Variants in KANK2 observed in about 807,000 individuals in gnomAD.
KANK2 encodes KN motif and ankyrin repeat domain-containing protein 2.
In KANK2, 41 loss-of-function variants were observed where a neutral mutation model predicts 74.6. That is an observed-to-expected ratio of 0.55 (90% CI 0.43 to 0.71). The LOEUF (loss-of-function observed/expected upper bound fraction) is 0.71. Among genes scored for constraint, KANK2 ranks in the 30% least tolerant of loss-of-function variants. The pLI, the probability that KANK2 is intolerant of heterozygous loss-of-function variation, is 0.00. For synonymous variants in KANK2, 537 were observed against 519.0 expected (o/e 1.03, Z -0.47); for missense variants, 1,148 against 1,196.4 (o/e 0.96, Z 0.60).
chr19:11,188,850 G>C (rs1329898349), intron 4 of KANK2, among the ~76,000 whole-genome samples: 2 of 151,880 alleles, frequency 1.3e-5, no homozygotes, highest in Non-Finnish European at 1.5e-5. Flanking sequence ...TGGGTGTGGT[G>C]GTGGGTGCCT....
chr19:11,168,249 C>T (rs1005615710), intron 12 of KANK2, among the ~76,000 whole-genome samples: 4 of 152,008 alleles, frequency 2.6e-5, no homozygotes, highest in Non-Finnish European at 4.4e-5. Context: ...AATCATCCGC[C>T]CACCTTGGCC....
At position 11,174,685 on chromosome 19, in the gene KANK2, G is replaced by C. The variant is rs767621842; in HGVS notation, c.1856C>G (p.Ala619Gly). The change falls in exon 9 of 13, where the codon GCC becomes GGC. Residue 619 changes from alanine (A) to glycine (G), a missense_variant. Transcript: ENST00000586659. ...CCACTCCTGCAGCACTGTGGTGTAG[G>C]CCACTTTCTGCATGCGAGTCAGGTG... ...NALTERELKV[A>G]YTTVLQEWLR... is the part of the protein sequence containing the mutation. 6.3e-7 allele frequency: 1 copy of C among 1,599,218 alleles called. No homozygotes were observed. The highest frequency in any genetic ancestry group is 1.3e-5 in the African/African-American group (1 of 74,588).
Position 11,176,747 on chromosome 19 carries a change from C to T in KANK2, c.1591G>A (p.Ala531Thr). 6.2e-7 allele frequency: 1 copy of T among 1,607,022 alleles called. No homozygotes were observed. ...ISDNDSTENE[A>T]PEPRERVPSV... ...GGAACCCTCTCCCTCGGCTCTGGGGCCTCGTTCTCTGTGCTGTCGTTGTCT... is the reference window on the plus strand; with the variant it reads ...GGAACCCTCTCCCTCGGCTCTGGGGTCTCGTTCTCTGTGCTGTCGTTGTCT... The change falls in exon 7 of 13, where the codon GCC becomes ACC. Residue 531 changes from alanine to threonine, a missense_variant. By Grantham distance (58) the Ala-to-Thr change is moderately conservative. Coordinates refer to ENST00000586659, the MANE Select transcript of KANK2 (RefSeq NM_001136191.3).
chr19:11,178,286 T>G, intron 6 of KANK2, 59 bp downstream of exon 6: 6 of 1,120,888 alleles, frequency 5.4e-6, no homozygotes, highest in Non-Finnish European at 6.7e-6. Context: ...CTCTCGTGCG[T>G]GGATGAATGG....
intron 6 of KANK2, among the ~76,000 whole-genome samples, 180 bp from the exon 7 acceptor site, chr19:11,176,997 G>C (rs948245208): frequency 4.6e-5 from 7 of 151,774 alleles, no homozygotes; most frequent in African/African-American, 1.7e-4. Context: ...CACAGTAAGC[G>C]CTCAATAAAC....
At chr19:11,190,919 C>G (rs1214124941) in intron 4 of KANK2, among the ~76,000 whole-genome samples, 1 of 146,342 alleles carries the variant, frequency 6.8e-6, no homozygotes, top group East Asian at 2.1e-4. Context: ...TTAGTAGAGA[C>G]AGGGTTTCAC....
intron 4 of KANK2, among the ~76,000 whole-genome samples, chr19:11,186,758 G>A (rs11880312): frequency 0.045 from 6,792 of 152,218 alleles, 497 homozygotes; most frequent in African/African-American, 0.15. Flanking sequence ...GAGGATATGA[G>A]AAAATGGACA....
In KANK2 at chr19:11,178,461, C is replaced by G. The variant is rs2078412835; in HGVS notation, c.1418-14G>C. 1 of 1,600,650 alleles carries G rather than the reference C, an allele frequency of 6.2e-7. No individual in the cohort carries two copies. Among genetic ancestry groups the G allele is most frequent in the Non-Finnish European group, 8.5e-7 (1 of 1,175,156 alleles). ...CCGGGGGCCCGCCTGGAGGGGAGGA[C>G]AGCGGAGGTGCTGTGAGAGTCCTTC... On this transcript the variant is annotated splice_polypyrimidine_tract_variant and intron_variant, in intron 5 of 12. Transcript: ENST00000586659.
At chr19:11,182,060 G>A (rs1422341501) in intron 4 of KANK2, among the ~76,000 whole-genome samples, 1 of 151,680 alleles carries the variant, frequency 6.6e-6, no homozygotes, top group Non-Finnish European at 1.5e-5. Context: ...TGGGATTACA[G>A]GTGTGTGCCA....
At chr19:11,176,356 C>A (rs969080193) in intron 7 of KANK2, among the ~76,000 whole-genome samples, 1 of 152,182 alleles carries the variant, frequency 6.6e-6, no homozygotes, top group Admixed American at 6.6e-5. Context: ...TGGCTGGTCC[C>A]CTAAATCCTA....
chr19:11,179,558 A>C (rs2078451784), intron 4 of KANK2, among the ~76,000 whole-genome samples: 2 of 151,010 alleles, frequency 1.3e-5, no homozygotes, highest in Non-Finnish European at 2.9e-5. Flanking sequence ...GAATTGCTTG[A>C]ACCCGGGAGG....
intron 4 of KANK2, among the ~76,000 whole-genome samples, chr19:11,178,986 G>A (rs2078432876): frequency 6.6e-6 from 1 of 152,126 alleles, no homozygotes; most frequent in African/African-American, 2.4e-5. Flanking sequence ...CAACCCTGTG[G>A]CCCCATATTC....
Position 11,193,331 on chromosome 19 carries a change from A to G in KANK2, c.749T>C (p.Leu250Pro). 6.2e-7 allele frequency: 1 copy of G among 1,612,598 alleles called. No homozygotes were observed. The highest frequency in any genetic ancestry group is 8.5e-7 in the Non-Finnish European group (1 of 1,179,916). ...TAGRGRSELC[L>P]DLPDPPEDPV... The stretch of plus-strand genomic sequence containing the variant: ...GTCCTCTGGGGGATCGGGGAGGTCC[A>G]GGCAGAGCTCGCTGCGACCCCGGCC... Residue 250 changes from leucine to proline, a missense_variant, in exon 4 of 13, where the codon CTG becomes CCG. Leu to Pro is a moderately conservative substitution (Grantham distance 98). Coordinates refer to ENST00000586659, the MANE Select transcript of KANK2 (RefSeq NM_001136191.3). The surrounding 1 kb of genome is among the most constrained non-coding windows in gnomAD (Gnocchi z 9.6).
chr19:11,178,578 T>C lies in KANK2; in HGVS notation c.1392A>G (p.Gln464=). The change falls in exon 5 of 13, where the codon CAA becomes CAG. Residue 464 remains glutamine, a synonymous_variant. Coordinates refer to ENST00000586659, the MANE Select transcript of KANK2 (RefSeq NM_001136191.3). ...CGGTGCCCCCGGCCTCCTCGGACTC[T>C]TGGGAGGCTGCTTGCCTGGTGGGCT... ...HREPTRQAAS[Q]ESEEAGGTGG... The C allele has an allele frequency of 6.2e-7, 1 of 1,604,782 alleles. No homozygotes were observed. Among genetic ancestry groups the C allele is most frequent in the South Asian group, 1.1e-5 (1 of 89,932 alleles).
rs775130649 is a variant in KANK2, at chr19:11,169,934, G to A, written c.2445C>T (p.Asp815=). ...TGGACGCAATCTCACTCTGCCCTGC[G>A]TCCAAGGCCACCATCAGAGCTGTGC... is the stretch of plus-strand genomic sequence containing the variant. ...DGSTALMVAL[D]AGQSEIASML... Residue 815 remains aspartate, a synonymous_variant, in exon 12 of 13, where the codon GAC becomes GAT. Transcript: ENST00000586659. 69 of 1,614,028 alleles carry A rather than the reference G, an allele frequency of 4.3e-5. No individual in the cohort carries two copies. The highest frequency in any genetic ancestry group is 1.6e-4 in the Middle Eastern group (1 of 6,084).
chr19:11,190,395 T>G (rs1000215774), intron 4 of KANK2, among the ~76,000 whole-genome samples: 4 of 152,112 alleles, frequency 2.6e-5, no homozygotes, highest in Non-Finnish European at 4.4e-5. Context: ...CCCAAAGTGC[T>G]AGGATTACAG....
intron 4 of KANK2, among the ~76,000 whole-genome samples, chr19:11,180,645 G>A (rs73504684): frequency 0.038 from 5,762 of 152,192 alleles, 384 homozygotes; most frequent in African/African-American, 0.13. Context: ...GGAACTGAGC[G>A]AGAGCAAACG....
chr19:11,187,169 A>G (rs956327471), intron 4 of KANK2, among the ~76,000 whole-genome samples: 1 of 152,070 alleles, frequency 6.6e-6, no homozygotes, highest in African/African-American at 2.4e-5. Context: ...AGGCAGGAGA[A>G]TTGCTTGAAC....
intron 10 of KANK2, among the ~76,000 whole-genome samples, chr19:11,171,553 T>TG (rs1220810088): frequency 4.4e-5 from 4 of 90,744 alleles, no homozygotes; most frequent in Non-Finnish European, 4.7e-5. Context: ...AGAGAGGAGG[T>TG]GGGGGTGGGG....
Sources: gnomAD v4.1 joint callset for allele counts (sites outside exome capture counted in the v4.1 genomes callset) on GRCh38, gnomAD v4.1.1 for gene constraint, Gnocchi (gnomAD v3.1) non-coding constraint, MANE v1.5 for transcripts, NCBI Gene and HGNC (gene_info 2026-07-23, HGNC 2026-07-21) for gene names.